Variants in TOP6BL observed in about 807,000 individuals in gnomAD.
TOP6BL encodes the protein TOP6B like initiator of meiotic double strand breaks.
chr11:66,774,706 C>T, the TOP6BL span, among the ~76,000 whole-genome samples: 20 of 152,074 alleles, frequency 1.3e-4, 1 homozygote, highest in South Asian at 4.0e-3. Context: ...CTCCTGACCT[C>T]GTGATCCGCC....
chr11:66,819,871 C>G, the TOP6BL span, among the ~76,000 whole-genome samples: 1 of 149,000 alleles, frequency 6.7e-6, no homozygotes, highest in Non-Finnish European at 1.5e-5. Context: ...CCATTGCACT[C>G]CAGCTCGGGC....
At chr11:66,749,970 C>T in the TOP6BL span, among the ~76,000 whole-genome samples, 1 of 152,130 alleles carries the variant, frequency 6.6e-6, no homozygotes, top group African/African-American at 2.4e-5. Context: ...GTGAGACTTT[C>T]TACACATCTC....
chr11:66,769,085 A>G, the TOP6BL span, among the ~76,000 whole-genome samples: 1 of 152,158 alleles, frequency 6.6e-6, no homozygotes, highest in Non-Finnish European at 1.5e-5. Flanking sequence ...TCAGCTGGGA[A>G]CACAAGGAGA....
the TOP6BL span, among the ~76,000 whole-genome samples, chr11:66,795,301 TC>T: frequency 2.4e-3 from 362 of 150,976 alleles, 1 homozygote; most frequent in Admixed American, 5.9e-3. Flanking sequence ...TTTCTTTCCT[TC>T]TTTTTTTTTT....
At chr11:66,843,267 C>A in the TOP6BL span, 1 of 1,602,904 alleles carries the variant, frequency 6.2e-7, no homozygotes, top group East Asian at 2.2e-5. Flanking sequence ...CCCACCGATC[C>A]GGAGGCTGCG....
the TOP6BL span, chr11:66,758,947 C>A: frequency 1.3e-6 from 1 of 767,252 alleles, no homozygotes. Context: ...TTTAAATGTT[C>A]TGTGTCTGTA....
chr11:66,760,994 C>CTT, the TOP6BL span, among the ~76,000 whole-genome samples: 11 of 137,350 alleles, frequency 8.0e-5, no homozygotes, highest in Admixed American at 6.6e-4. Context: ...CTTAAAGCAC[C>CTT]TTTTTTTTTT....
chr11:66,796,138 CT>C, the TOP6BL span: 1 of 611,840 alleles, frequency 1.6e-6, no homozygotes, highest in Non-Finnish European at 2.9e-6. Context: ...GCATACAATT[CT>C]CATTCCCAAA....
chr11:66,764,851 C>G, the TOP6BL span, among the ~76,000 whole-genome samples: 2 of 151,804 alleles, frequency 1.3e-5, no homozygotes, highest in African/African-American at 2.4e-5. Flanking sequence ...TGCCTGGGGT[C>G]CCAGCTACTA....
the TOP6BL span, among the ~76,000 whole-genome samples, chr11:66,838,134 A>T: frequency 6.6e-6 from 1 of 152,200 alleles, no homozygotes; most frequent in Non-Finnish European, 1.5e-5. Context: ...AAGAGACTGG[A>T]GCTCAGAGAA....
the TOP6BL span, among the ~76,000 whole-genome samples, chr11:66,773,739 C>CT: frequency 6.6e-6 from 1 of 152,080 alleles, no homozygotes; most frequent in Admixed American, 6.5e-5. Context: ...TATGTAATTT[C>CT]TTTTTTCTTT....
chr11:66,810,819 G>A, the TOP6BL span, among the ~76,000 whole-genome samples: 1 of 151,890 alleles, frequency 6.6e-6, no homozygotes, highest in Non-Finnish European at 1.5e-5. Context: ...GGGGTCTTGA[G>A]TTTTAATTTT....
chr11:66,800,742 A>G, the TOP6BL span: 2 of 1,467,790 alleles, frequency 1.4e-6, no homozygotes, highest in Non-Finnish European at 1.9e-6. Flanking sequence ...TGGCTCTGCA[A>G]TTTTTCTCAG....
the TOP6BL span, chr11:66,796,353 G>T: frequency 1.2e-6 from 2 of 1,607,960 alleles, no homozygotes; most frequent in Admixed American, 1.7e-5. Context: ...AATCATCATG[G>T]TGCACCCTAA....
At chr11:66,797,789 G>A in the TOP6BL span, among the ~76,000 whole-genome samples, 17 of 152,320 alleles carry the variant, frequency 1.1e-4, no homozygotes, top group East Asian at 3.3e-3. Flanking sequence ...ACAGGCGTGA[G>A]CCATCATCAT....
At chr11:66,839,407 TG>T in the TOP6BL span, among the ~76,000 whole-genome samples, 1 of 152,362 alleles carries the variant, frequency 6.6e-6, no homozygotes, top group African/African-American at 2.4e-5. Flanking sequence ...CTGCTGTCTC[TG>T]GAAGAGCCGA....
chr11:66,814,086 A>T, the TOP6BL span: 1 of 1,464,456 alleles, frequency 6.8e-7, no homozygotes, highest in Non-Finnish European at 9.4e-7. Flanking sequence ...AGGAAATATG[A>T]ATAGAACGTG....
chr11:66,744,902 G>A, the TOP6BL span: 1 of 1,267,644 alleles, frequency 7.9e-7, no homozygotes, highest in Non-Finnish European at 1.0e-6. Context: ...GGAGGGGACG[G>A]CCGTGGCCGT....
chr11:66,822,688 T>G, the TOP6BL span: 2 of 1,512,158 alleles, frequency 1.3e-6, no homozygotes, highest in African/African-American at 2.8e-5. Context: ...AGTAGGAGAT[T>G]GGGATTGGGG....
Sources: allele counts gnomAD v4.1 joint callset (sites outside exome capture counted in the v4.1 genomes callset), GRCh38; gene constraint gnomAD v4.1.1; transcripts MANE v1.5; gene names NCBI Gene and HGNC (gene_info 2026-07-23, HGNC 2026-07-21).